AGBL3: variants seen among roughly 807,000 people sequenced by gnomAD.
AGBL3 encodes the protein cytosolic carboxypeptidase 3.
Under a neutral mutation model 94.5 loss-of-function variants are expected in AGBL3, and 68 were observed. The observed-to-expected ratio is 0.72, with a 90% CI of 0.59 to 0.88. AGBL3 has a LOEUF of 0.88. Among genes scored for constraint, AGBL3 ranks in the 40% least tolerant of loss-of-function variants. The pLI is 0.00. For synonymous variants in AGBL3, 354 were observed against 370.7 expected (o/e 0.95, Z 0.52); for missense variants, 934 against 1,103.8 (o/e 0.85, Z 2.18).
intron 15 of AGBL3, among the ~76,000 whole-genome samples, chr7:135,103,024 G>T (rs996541058): frequency 4.6e-5 from 7 of 152,074 alleles, no homozygotes; most frequent in African/African-American, 1.7e-4. Flanking sequence ...ACCAATAAAG[G>T]CCTTGTTTTA....
chr7:135,082,815 A>G (rs1392899708), intron 15 of AGBL3, among the ~76,000 whole-genome samples: 1 of 152,062 alleles, frequency 6.6e-6, no homozygotes, highest in Non-Finnish European at 1.5e-5. Context: ...ATATATATGC[A>G]TGTGTGAATA....
chr7:135,133,482 CA>C (rs1226631546), intron 16 of AGBL3, among the ~76,000 whole-genome samples: 1 of 152,020 alleles, frequency 6.6e-6, no homozygotes, highest in African/African-American at 2.4e-5. Flanking sequence ...TTTTGACAAA[CA>C]AGGATAAAAT....
chr7:135,122,435 C>T (rs996270051), intron 16 of AGBL3, among the ~76,000 whole-genome samples: 2 of 152,196 alleles, frequency 1.3e-5, no homozygotes, highest in Admixed American at 6.5e-5. Context: ...TCTTTGCAGA[C>T]CAGCAGACTT....
intron 14 of AGBL3, among the ~76,000 whole-genome samples, chr7:135,081,465 T>C (rs1820918919): frequency 6.6e-6 from 1 of 152,132 alleles, no homozygotes; most frequent in African/African-American, 2.4e-5. Context: ...ACTTTATAAC[T>C]GTCTATTTGT....
chr7:135,028,086 A>T lies in AGBL3; in HGVS notation c.419-4758A>T, dbSNP rs531356259. On this transcript the variant is annotated intron_variant, in intron 5 of 16. Coordinates refer to ENST00000436302, the MANE Select transcript of AGBL3 (RefSeq NM_178563.4). ...AGAAATACTTTATTGCTAAAAAATT[A>T]AAATTATCATCTAAGCCTTCAGCAA... 5.9e-5 allele frequency among the ~76,000 whole-genome samples: 9 copies of T among 151,826 alleles called. No individual in the cohort carries two copies. In the South Asian group the frequency reaches 1.9e-3, roughly 32 times the overall value.
At chr7:135,090,166 G>A (rs578202703) in intron 15 of AGBL3, among the ~76,000 whole-genome samples, 1 of 152,274 alleles carries the variant, frequency 6.6e-6, no homozygotes, top group East Asian at 1.9e-4. Context: ...GAAGCACTGT[G>A]TAGTAGTGAC....
At chr7:135,052,870 C>T (rs1818003078) in intron 11 of AGBL3, among the ~76,000 whole-genome samples, 1 of 152,050 alleles carries the variant, frequency 6.6e-6, no homozygotes, top group African/African-American at 2.4e-5. Flanking sequence ...GGGACATAAA[C>T]TTGATTTCCT....
intron 11 of AGBL3, chr7:135,051,122 G>C: frequency 5.1e-6 from 2 of 393,404 alleles, no homozygotes; most frequent in Non-Finnish European, 9.8e-6. Context: ...TTGGAAGAAA[G>C]AATGTACTAA....
intron 15 of AGBL3, chr7:135,099,921 T>C (rs1823534583): frequency 7.9e-6 from 1 of 126,010 alleles, no homozygotes; most frequent in African/African-American, 2.9e-5. Flanking sequence ...GGAGTCTCGG[T>C]CTGTCGCCCA....
intron 15 of AGBL3, among the ~76,000 whole-genome samples, chr7:135,095,338 T>C (rs1204633588): frequency 1.3e-5 from 2 of 152,226 alleles, no homozygotes; most frequent in East Asian, 3.8e-4. Flanking sequence ...AACAGTGGTT[T>C]ACAGCTGATA....
intron 16 of AGBL3, among the ~76,000 whole-genome samples, chr7:135,124,786 T>C (rs1170476673): frequency 6.6e-6 from 1 of 152,198 alleles, no homozygotes; most frequent in Admixed American, 6.5e-5. Context: ...AACAATCTGC[T>C]CCTGAATGAC....
intron 15 of AGBL3, among the ~76,000 whole-genome samples, chr7:135,096,742 T>TAAAGAAAGAAAGAAA (rs1314167999): frequency 2.0e-5 from 2 of 101,186 alleles, no homozygotes; most frequent in African/African-American, 7.6e-5. Flanking sequence ...AGAGAAAGAA[T>TAAAGAAAGAAAGAAA]GAAAGAAAGA....
rs1818104739 is a variant in AGBL3, at chr7:135,053,862, T to C, written c.1842-5307T>C. On this transcript the variant is annotated intron_variant, in intron 11 of 16. Coordinates refer to ENST00000436302, the MANE Select transcript of AGBL3 (RefSeq NM_178563.4). ...GTCTGCCAGTCAATGTCTTCGATTTTAAGAAGAATAAGTATATATTAAATA... is the reference window on the plus strand; with the variant it reads ...GTCTGCCAGTCAATGTCTTCGATTTCAAGAAGAATAAGTATATATTAAATA... 4.6e-5 allele frequency among the ~76,000 whole-genome samples: 7 copies of C among 152,332 alleles called. No individual in the cohort carries two copies. The South Asian group carries it at 1.4e-3, about 32-fold the overall frequency.
At chr7:135,091,697 C>T (rs913754129) in intron 15 of AGBL3, among the ~76,000 whole-genome samples, 2 of 152,214 alleles carry the variant, frequency 1.3e-5, no homozygotes, top group Non-Finnish European at 2.9e-5. Context: ...CTGACCCTGA[C>T]ATTTACAAAG....
intron 11 of AGBL3, among the ~76,000 whole-genome samples, chr7:135,056,600 CG>C (rs1310575588): frequency 6.6e-6 from 1 of 151,522 alleles, no homozygotes; most frequent in Non-Finnish European, 1.5e-5. Context: ...ATACCAGCCA[CG>C]AACAACTGGA....
chr7:135,075,472 A>T (rs1820360451), intron 12 of AGBL3, among the ~76,000 whole-genome samples: 1 of 152,112 alleles, frequency 6.6e-6, no homozygotes, highest in South Asian at 2.1e-4. Flanking sequence ...CAGCCTATTT[A>T]ACCATTCACC....
Position 135,014,902 on chromosome 7 carries a change from T to C in AGBL3, c.311-2150T>C, listed in dbSNP as rs374095751. On this transcript the variant is annotated intron_variant, in intron 4 of 16. Transcript: ENST00000436302. ...TGCAGTGTTTTTTCACAGCTCGAGT[T>C]TGCAGCTTTGAGAGAACTAGGAAAC... Among the ~76,000 whole-genome samples, 51 of 152,212 alleles carry C rather than the reference T, an allele frequency of 3.4e-4. 1 individual carries two copies. The highest frequency in any genetic ancestry group is 1.0e-3 in the African/African-American group (43 of 41,460).
intron 15 of AGBL3, among the ~76,000 whole-genome samples, chr7:135,083,671 G>A (rs9649608): frequency 2.0e-5 from 3 of 151,750 alleles, no homozygotes; most frequent in Non-Finnish European, 4.4e-5. Context: ...GGTGTAATAC[G>A]GGATCATGAA....
chr7:135,131,130 G>C (rs1339309885), intron 16 of AGBL3, among the ~76,000 whole-genome samples: 1 of 151,706 alleles, frequency 6.6e-6, no homozygotes, highest in Non-Finnish European at 1.5e-5. Flanking sequence ...CTTGTAATTA[G>C]AAAAAAAAGG....
Sources: gnomAD v4.1 joint callset for allele counts (sites outside exome capture counted in the v4.1 genomes callset) on GRCh38, gnomAD v4.1.1 for gene constraint, MANE v1.5 for transcripts, NCBI Gene and HGNC (gene_info 2026-07-23, HGNC 2026-07-21) for gene names.